EBF3: variants seen among roughly 807,000 people sequenced by gnomAD.
EBF3 encodes the protein transcription factor COE3.
EBF3 carries 18 observed loss-of-function variants against 77.1 expected under a neutral mutation model. The observed-to-expected ratio is 0.23, with a 90% CI of 0.16 to 0.35. The LOEUF (loss-of-function observed/expected upper bound fraction) is 0.35, where lower values mean the gene tolerates loss of function less well. Among genes scored for constraint, EBF3 ranks in the 10% least tolerant of loss-of-function variants. The pLI is 1.00. For synonymous variants in EBF3, 350 were observed against 343.5 expected (o/e 1.02, Z -0.21); for missense variants, 558 against 860.0 (o/e 0.65, Z 4.39).
rs1380759056 is a variant in EBF3 at position 129,947,318 on chromosome 10, G to T, written c.554+9940C>A. ...AAAAACCCTTGCATTACTCTGTCTCGTATTAAATACCACATATAACTCTCA... is the reference window on the plus strand; with the variant it reads ...AAAAACCCTTGCATTACTCTGTCTCTTATTAAATACCACATATAACTCTCA... On this transcript the variant is annotated intron_variant, in intron 6 of 16. Transcript: ENST00000440978. This position sits in a 1 kb window ranked among gnomAD's most constrained non-coding sequence, Gnocchi z 4.5. Among the ~76,000 whole-genome samples the T allele has an allele frequency of 6.6e-6, 1 of 152,164 alleles. No individual in the cohort carries two copies. Among genetic ancestry groups the T allele is most frequent in the East Asian group, 1.9e-4 (1 of 5,196 alleles).
At chr10:129,904,561 T>C (rs1336047037) in intron 6 of EBF3, among the ~76,000 whole-genome samples, 3 of 151,724 alleles carry the variant, frequency 2.0e-5, no homozygotes, top group African/African-American at 7.3e-5. Context: ...GATAAATGGA[T>C]GGATGAACGG....
chr10:129,944,437 C>A lies in EBF3; in HGVS notation c.554+12821G>T, dbSNP rs1355293877. 6.6e-6 allele frequency among the ~76,000 whole-genome samples: 1 copy of A among 152,186 alleles called. No homozygotes were observed. The highest frequency in any genetic ancestry group is 2.4e-5 in the African/African-American group (1 of 41,446). ...ATGAGATCTGATTTCAATTGGTGAG[C>A]AAACCTGCAGAAGTTTTTAATCATA... On this transcript the variant is annotated intron_variant, in intron 6 of 16. Coordinates refer to ENST00000440978, the MANE Select transcript of EBF3 (RefSeq NM_001375380.1). The surrounding 1 kb of genome is among the most constrained non-coding windows in gnomAD (Gnocchi z 5.1).
In EBF3 at chr10:129,879,714, A is replaced by G. The variant is rs186740298; in HGVS notation, c.555-1865T>C. Among the ~76,000 whole-genome samples, 11 of 152,086 alleles carry G rather than the reference A, an allele frequency of 7.2e-5. 1 individual carries two copies. Among genetic ancestry groups the G allele is most frequent in the Middle Eastern group, 3.4e-3 (1 of 294 alleles). On this transcript the variant is annotated intron_variant, in intron 6 of 16. Transcript: ENST00000440978. The surrounding 1 kb of genome is among the most constrained non-coding windows in gnomAD (Gnocchi z 4.7). ...AAGTCACTTGATATTCCACCCACCA[A>G]TTTTTCCTAACAACCACTGTGCAAT...
At chr10:129,869,624 A>G (rs1262616277) in intron 8 of EBF3, among the ~76,000 whole-genome samples, 1 of 152,244 alleles carries the variant, frequency 6.6e-6, no homozygotes, top group Non-Finnish European at 1.5e-5. Context: ...CTGACAGGTC[A>G]GAGGCAGCGC....
intron 6 of EBF3, among the ~76,000 whole-genome samples, chr10:129,942,204 T>C (rs1288775066): frequency 6.6e-6 from 1 of 152,178 alleles, no homozygotes; most frequent in African/African-American, 2.4e-5. Context: ...TGCTTAAGTT[T>C]TGAAAGATCA....
intron 11 of EBF3, among the ~76,000 whole-genome samples, chr10:129,844,465 G>A (rs781401702): frequency 4.6e-5 from 7 of 152,104 alleles, no homozygotes; most frequent in African/African-American, 7.2e-5. Flanking sequence ...CAGTGCAGTC[G>A]GCTGGTGGGA....
chr10:129,867,675 A>AG (rs1852119291), intron 9 of EBF3, 107 bp downstream of exon 9: 9 of 1,537,252 alleles, frequency 5.9e-6, no homozygotes, highest in Non-Finnish European at 7.9e-6. Flanking sequence ...GTGTGTTAAA[A>AG]GGGGAATTTG....
At chr10:129,904,455 T>C (rs963749549) in intron 6 of EBF3, among the ~76,000 whole-genome samples, 28 of 151,944 alleles carry the variant, frequency 1.8e-4, no homozygotes, top group African/African-American at 6.8e-4. Context: ...GATAAATGGA[T>C]GGATGGACAG....
rs142121505 is a variant in EBF3, at chr10:129,855,090, C to T, written c.1040-6610G>A. ...GCCTAGGGTCACCCTGGGTTTCACA[C>T]CAGTGACTCCAGCATCCCCCCAACC... On this transcript the variant is annotated intron_variant, in intron 10 of 16. Coordinates refer to ENST00000440978, the MANE Select transcript of EBF3 (RefSeq NM_001375380.1). Among the ~76,000 whole-genome samples, 99 of 152,364 alleles carry T rather than the reference C, an allele frequency of 6.5e-4. 1 individual carries two copies. Among genetic ancestry groups the T allele is most frequent in the African/African-American group, 2.3e-3 (95 of 41,592 alleles).
rs148039627 is a variant in EBF3 at position 129,872,192 on chromosome 10, G to A, written c.781+1260C>T. ...TGAAAGCTCCACTCTCTAGGGAAGC[G>A]AGGAACTGAGGACCGGGGATTCAAC... On this transcript the variant is annotated intron_variant, in intron 8 of 16. Transcript: ENST00000440978. Among the ~76,000 whole-genome samples the A allele has an allele frequency of 3.8e-3, 575 of 152,258 alleles. 3 individuals are homozygous for A. Among genetic ancestry groups the A allele is most frequent in the African/African-American group, 0.012 (508 of 41,552 alleles).
At chr10:129,940,000 C>A (rs552258463) in intron 6 of EBF3, among the ~76,000 whole-genome samples, 2 of 152,244 alleles carry the variant, frequency 1.3e-5, no homozygotes, top group African/African-American at 4.8e-5. Context: ...TCCCCTCTGA[C>A]GGGGATGTAT....
At chr10:129,930,460 T>A (rs947504254) in intron 6 of EBF3, among the ~76,000 whole-genome samples, 1 of 151,014 alleles carries the variant, frequency 6.6e-6, no homozygotes, top group Non-Finnish European at 1.5e-5. Context: ...TATCTGTCTA[T>A]GTCTATCTCT....
intron 6 of EBF3, 79 bp from the exon 7 acceptor site, chr10:129,877,928 C>G (rs1385359716): frequency 7.7e-6 from 9 of 1,162,942 alleles, no homozygotes; most frequent in African/African-American, 1.5e-5. Flanking sequence ...CACTCTTGCG[C>G]AGGGAGGAGT....
intron 6 of EBF3, 62 bp downstream of exon 6, chr10:129,957,196 C>T (rs1045343562): frequency 1.4e-6 from 2 of 1,479,616 alleles, no homozygotes; most frequent in African/African-American, 1.4e-5. Context: ...GGAAACCAAG[C>T]AAGGCAAAAC....
At position 129,943,956 on chromosome 10, in the gene EBF3, G is replaced by C. The variant is rs546443469; in HGVS notation, c.554+13302C>G. Among the ~76,000 whole-genome samples, 24 of 152,160 alleles carry C rather than the reference G, an allele frequency of 1.6e-4. No homozygotes were observed. Among genetic ancestry groups the C allele is most frequent in the Non-Finnish European group, 3.1e-4 (21 of 68,032 alleles). On this transcript the variant is annotated intron_variant, in intron 6 of 16. Transcript: ENST00000440978. This position sits in a 1 kb window ranked among gnomAD's most constrained non-coding sequence, Gnocchi z 8.8. ...CTGAGGGTGCAGCGCGTGTGTCCATGGGTAAAATATCTCCCCAGACCTTCC... is the reference window on the plus strand; with the variant it reads ...CTGAGGGTGCAGCGCGTGTGTCCATCGGTAAAATATCTCCCCAGACCTTCC...
Position 129,841,045 on chromosome 10 carries a change from C to CCCCA in EBF3, c.1373-14_1373-13insTGGG, listed in dbSNP as rs1554892401. The CCCCA allele has an allele frequency of 1.4e-5, 23 of 1,600,472 alleles. No individual in the cohort carries two copies. The highest frequency in any genetic ancestry group is 3.4e-5 in the South Asian group (3 of 89,516). ...CGACTGTAGCCGACTGTTGAAATCC[C>CCCCA]CCCCCCGGCCAAAAATAACATTATT... is the stretch of plus-strand genomic sequence containing the variant. On this transcript the variant is annotated splice_polypyrimidine_tract_variant and intron_variant, in intron 13 of 16. Coordinates refer to ENST00000440978, the MANE Select transcript of EBF3 (RefSeq NM_001375380.1). This position sits in a 1 kb window ranked among gnomAD's most constrained non-coding sequence, Gnocchi z 4.6.
At chr10:129,889,801 G>GAAAA (rs1455531632) in intron 6 of EBF3, among the ~76,000 whole-genome samples, 3 of 51,128 alleles carry the variant, frequency 5.9e-5, no homozygotes, top group South Asian at 8.2e-4. Flanking sequence ...TGTCACATCT[G>GAAAA]CAAAAAAAAA....
intron 6 of EBF3, among the ~76,000 whole-genome samples, chr10:129,946,054 A>G (rs1385315849): frequency 1.3e-5 from 2 of 152,120 alleles, no homozygotes; most frequent in African/African-American, 2.4e-5. Flanking sequence ...CTGATTTGTT[A>G]AACACAGACA....
chr10:129,896,883 A>G (rs1291283278), intron 6 of EBF3, among the ~76,000 whole-genome samples: 1 of 152,158 alleles, frequency 6.6e-6, no homozygotes, highest in East Asian at 1.9e-4. Flanking sequence ...GCTCAAACCG[A>G]GAGAGAAGCC....
Sources: allele counts gnomAD v4.1 joint callset (sites outside exome capture counted in the v4.1 genomes callset), GRCh38; gene constraint gnomAD v4.1.1; non-coding constraint Gnocchi (gnomAD v3.1); transcripts MANE v1.5; gene names NCBI Gene and HGNC (gene_info 2026-07-23, HGNC 2026-07-21).